Variants in TRIM55 observed in about 807,000 individuals in gnomAD.
The protein encoded by TRIM55 is tripartite motif-containing protein 55.
A neutral mutation model predicts 60.9 loss-of-function variants in TRIM55; 50 were observed. The ratio of observed to expected loss-of-function variants is 0.82; its 90% CI spans 0.65 to 1.04. TRIM55 has a LOEUF of 1.04. Ranked by LOEUF, TRIM55 falls within the 50% of genes least tolerant of loss-of-function variation. The pLI is 0.00. For missense variants in TRIM55, 681 were observed against 666.9 expected (o/e 1.02, Z -0.23); for synonymous variants, 237 against 238.1 (o/e 1.00, Z 0.04).
chr8:66,135,330 C>T (rs1180351834), intron 3 of TRIM55, among the ~76,000 whole-genome samples, 175 bp downstream of exon 3: 3 of 152,140 alleles, frequency 2.0e-5, no homozygotes, highest in Non-Finnish European at 4.4e-5. Context: ...CAGTTGTGCA[C>T]GAGGCACACA....
chr8:66,158,648 G>A (rs763898681), intron 9 of TRIM55, among the ~76,000 whole-genome samples: 33 of 152,152 alleles, frequency 2.2e-4, no homozygotes, highest in Non-Finnish European at 3.8e-4. Context: ...TTGGTTTCAG[G>A]TATTTTCATT....
chr8:66,151,338 G>GA (rs1810406270), intron 7 of TRIM55, among the ~76,000 whole-genome samples: 1 of 152,088 alleles, frequency 6.6e-6, no homozygotes, highest in Non-Finnish European at 1.5e-5. Flanking sequence ...ATTGAAAAGT[G>GA]AAAAACAATC....
chr8:66,161,319 G>A (rs537041218), intron 9 of TRIM55, among the ~76,000 whole-genome samples: 29 of 151,982 alleles, frequency 1.9e-4, no homozygotes, highest in East Asian at 5.8e-4. Context: ...TTGTTTTGTC[G>A]AAGATCAGTT....
At chr8:66,141,120 A>G (rs1025203577) in intron 4 of TRIM55, among the ~76,000 whole-genome samples, 1 of 152,218 alleles carries the variant, frequency 6.6e-6, no homozygotes, top group African/African-American at 2.4e-5. Flanking sequence ...CCAGCCCTGA[A>G]GCAATGCTGA....
upstream of TRIM55, among the ~76,000 whole-genome samples, chr8:66,126,402 G>A (rs1238091687): frequency 6.6e-6 from 1 of 152,206 alleles, no homozygotes; most frequent in Non-Finnish European, 1.5e-5. Flanking sequence ...AGTATAGGAT[G>A]AAAGAGGGCC....
At position 66,152,418 on chromosome 8, in the gene TRIM55, A is replaced by G. The variant is rs936451460; in HGVS notation, c.1027A>G (p.Lys343Glu). Residue 343 changes from lysine (K) to glutamate (E), a missense_variant, in exon 8 of 10, where the codon AAA becomes GAA. Physicochemically the swap from Lys to Glu is moderately conservative, Grantham distance 56 (BLOSUM62 1). Coordinates refer to ENST00000315962, the MANE Select transcript of TRIM55 (RefSeq NM_184085.2). ...EEEEEGGEGE[K>E]EGEGEVGGEA... ...AGAAGAAGAAGGCGGAGAAGGAGAA[A>G]AAGAAGGAGAAGGAGAAGTGGGAGG... 2.5e-6 allele frequency: 4 copies of G among 1,611,290 alleles called. No homozygotes were observed. In the African/African-American group the frequency reaches 4.0e-5, roughly 16 times the overall value.
At chr8:66,173,994 C>A (rs1218498940) in intron 9 of TRIM55, among the ~76,000 whole-genome samples, 1 of 152,002 alleles carries the variant, frequency 6.6e-6, no homozygotes, top group African/African-American at 2.4e-5. Context: ...TATGTATATG[C>A]ATGCTAGAAA....
At chr8:66,141,483 G>A (rs529193588) in intron 4 of TRIM55, among the ~76,000 whole-genome samples, 2 of 152,194 alleles carry the variant, frequency 1.3e-5, no homozygotes, top group East Asian at 1.9e-4. Context: ...GGAACTGGAT[G>A]GGGGGCTGCC....
At chr8:66,159,511 T>A (rs1315088612) in intron 9 of TRIM55, among the ~76,000 whole-genome samples, 1 of 152,208 alleles carries the variant, frequency 6.6e-6, no homozygotes, top group African/African-American at 2.4e-5. Flanking sequence ...CACATATAGG[T>A]CTTTGTGTGA....
At chr8:66,171,396 C>T (rs1267470957) in intron 9 of TRIM55, among the ~76,000 whole-genome samples, 1 of 152,202 alleles carries the variant, frequency 6.6e-6, no homozygotes. Flanking sequence ...CCTCCCGCTA[C>T]ATCCATGTCT....
Position 66,152,560 on chromosome 8 carries a change from C to G in TRIM55, c.1169C>G (p.Ala390Gly). The G allele has an allele frequency of 6.2e-7, 1 of 1,614,182 alleles. No homozygotes were observed. The highest frequency in any genetic ancestry group is 8.5e-7 in the Non-Finnish European group (1 of 1,180,042). ...SQVELQAAPGALPVSSPEPPP... is the reference protein window; with the variant it reads ...SQVELQAAPGGLPVSSPEPPP... The stretch of plus-strand genomic sequence containing the variant: ...GTGGAGCTGCAGGCTGCCCCTGGGG[C>G]ACTTCCAGTTTCCTCTCCAGAGCCA... Residue 390 changes from alanine (A) to glycine (G), a missense_variant, in exon 8 of 10, where the codon GCA (alanine) becomes GGA (glycine). Physicochemically the swap from Ala to Gly is moderately conservative, Grantham distance 60. Coordinates refer to ENST00000315962, the MANE Select transcript of TRIM55 (RefSeq NM_184085.2).
chr8:66,139,086 C>T (rs373734573), intron 4 of TRIM55, among the ~76,000 whole-genome samples: 1 of 151,920 alleles, frequency 6.6e-6, no homozygotes, highest in Non-Finnish European at 1.5e-5. Context: ...GGTGAAGAGC[C>T]GAAAGAGATT....
Position 66,160,864 on chromosome 8 carries a change from TTG to T in TRIM55, c.1524+6532_1524+6533del, listed in dbSNP as rs754794189. 3.7e-3 allele frequency among the ~76,000 whole-genome samples: 547 copies of T among 148,202 alleles called. 1 individual carries two copies. Among genetic ancestry groups the T allele is most frequent in the Non-Finnish European group, 6.9e-3 (468 of 67,402 alleles). On this transcript the variant is annotated intron_variant, in intron 9 of 9. Coordinates refer to ENST00000315962, the MANE Select transcript of TRIM55 (RefSeq NM_184085.2). ...GTCCTTTGCCCACTTTTTGATGGGA[TTG>T]TTTTTTTTTTTTTCTTGCTGATTTG...
chr8:66,115,962 T>C, the TRIM55 span, among the ~76,000 whole-genome samples: 1 of 152,184 alleles, frequency 6.6e-6, no homozygotes, highest in Admixed American at 6.5e-5. Context: ...CCTGGCAAAC[T>C]GTAGAGATTC....
chr8:66,171,356 G>A (rs564588456), intron 9 of TRIM55, among the ~76,000 whole-genome samples: 11 of 151,656 alleles, frequency 7.3e-5, no homozygotes, highest in South Asian at 2.1e-4. Flanking sequence ...TTGGTTTTCC[G>A]TTTCTGTGTT....
chr8:66,171,769 C>T (rs935727446), intron 9 of TRIM55, among the ~76,000 whole-genome samples: 3 of 152,202 alleles, frequency 2.0e-5, no homozygotes, highest in African/African-American at 7.2e-5. Context: ...ATTTGATGGG[C>T]TGTGCTTACA....
intron 9 of TRIM55, among the ~76,000 whole-genome samples, chr8:66,170,813 A>T (rs1354485398): frequency 6.6e-6 from 1 of 152,240 alleles, no homozygotes; most frequent in Non-Finnish European, 1.5e-5. Context: ...ACTCAAAAGA[A>T]TTGAAAGCAG....
chr8:66,156,699 TG>T lies in TRIM55; in HGVS notation c.1524+2368del, dbSNP rs1330672558. Among the ~76,000 whole-genome samples, 2 of 152,150 alleles carry T rather than the reference TG, an allele frequency of 1.3e-5. 1 individual carries two copies. The highest frequency in any genetic ancestry group is 2.9e-5 in the Non-Finnish European group (2 of 68,018). On this transcript the variant is annotated intron_variant, in intron 9 of 9. Coordinates refer to ENST00000315962, the MANE Select transcript of TRIM55 (RefSeq NM_184085.2). ...TATTTCTGGCTCACTGACTTTTCCC[TG>T]GGTTGACACTGACTCTTCTGGAAGC...
At chr8:66,125,132 C>T (rs1183655532), upstream of TRIM55, among the ~76,000 whole-genome samples, 3 of 152,228 alleles carry the variant, frequency 2.0e-5, no homozygotes, top group East Asian at 5.8e-4. Flanking sequence ...CCATTCTTTT[C>T]CCTTTAAATA....
Sources: allele counts gnomAD v4.1 joint callset (sites outside exome capture counted in the v4.1 genomes callset), GRCh38; gene constraint gnomAD v4.1.1; transcripts MANE v1.5; gene names NCBI Gene and HGNC (gene_info 2026-07-23, HGNC 2026-07-21).